FBXW8: variants seen among roughly 807,000 people sequenced by gnomAD.
FBXW8 encodes F-box and WD repeat domain containing 8.
Under a neutral mutation model 65.3 loss-of-function variants are expected in FBXW8, and 57 were observed. That is an observed-to-expected ratio of 0.87 (90% CI 0.71 to 1.09). The LOEUF (loss-of-function observed/expected upper bound fraction) is 1.09, where lower values mean the gene tolerates loss of function less well. Among genes scored for constraint, FBXW8 ranks in the 50% least tolerant of loss-of-function variants. The probability of loss-of-function intolerance (pLI) is 0.00; values close to 1 mark genes in which losing one functional copy is unlikely to be tolerated. For synonymous variants in FBXW8, 308 were observed against 330.2 expected, an observed-to-expected ratio of 0.93 and a Z score of 0.73; for missense variants, 777 against 814.8, an observed-to-expected ratio of 0.95 and a Z score of 0.57.
intron 6 of FBXW8, among the ~76,000 whole-genome samples, chr12:116,987,791 A>G (rs1885831942): frequency 6.6e-6 from 1 of 152,238 alleles, no homozygotes; most frequent in South Asian, 2.1e-4. Context: ...AATTTAAAAG[A>G]CACAATAAAG....
At chr12:116,996,996 T>C (rs1412021545) in intron 7 of FBXW8, among the ~76,000 whole-genome samples, 1 of 152,188 alleles carries the variant, frequency 6.6e-6, no homozygotes, top group Non-Finnish European at 1.5e-5. Flanking sequence ...TCCAGACTGA[T>C]AGAAAATCAT....
intron 8 of FBXW8, 102 bp downstream of exon 8, chr12:117,010,552 T>G: frequency 3.0e-5 from 45 of 1,512,298 alleles, no homozygotes; most frequent in South Asian, 5.8e-5. Flanking sequence ...TCAACAGCTC[T>G]GCCCACCTGA....
intron 8 of FBXW8, among the ~76,000 whole-genome samples, chr12:117,019,386 T>A (rs1001476695): frequency 6.6e-6 from 1 of 152,184 alleles, no homozygotes; most frequent in Non-Finnish European, 1.5e-5. Flanking sequence ...TTTTATGTTC[T>A]CTATACAGAG....
At chr12:117,014,202 T>C (rs1171804846) in intron 8 of FBXW8, among the ~76,000 whole-genome samples, 2 of 152,208 alleles carry the variant, frequency 1.3e-5, no homozygotes, top group African/African-American at 4.8e-5. Context: ...CTGTGTCATC[T>C]CCATTCTGCT....
intron 3 of FBXW8, 75 bp from the exon 4 acceptor site, chr12:116,949,543 G>A: frequency 7.5e-7 from 1 of 1,326,406 alleles, no homozygotes; most frequent in Non-Finnish European, 1.1e-6. Context: ...TGGAAAGTAG[G>A]TGAAAAAGCA....
At position 116,964,812 on chromosome 12, in the gene FBXW8, G is replaced by A; in HGVS notation, c.793G>A (p.Val265Met). 1 of 1,613,026 alleles carries A rather than the reference G, an allele frequency of 6.2e-7. No individual in the cohort carries two copies. ...EPGMQPNVSF[V>M]RINSSLAVAA... The stretch of plus-strand genomic sequence containing the variant: ...TGGAATGCAGCCAAATGTCTCCTTT[G>A]TGAGGATAAACAGCTCGTTGGCAGT... Residue 265 changes from valine (V) to methionine (M), a missense_variant, in exon 5 of 11, where the codon GTG becomes ATG. Physicochemically the swap from Val to Met is conservative, Grantham distance 21. Coordinates refer to ENST00000652555, the MANE Select transcript of FBXW8 (RefSeq NM_153348.3).
chr12:116,985,289 C>G lies in FBXW8; in HGVS notation c.919C>G (p.Leu307Val). 6.2e-7 allele frequency: 1 copy of G among 1,614,194 alleles called. No homozygotes were observed. The highest frequency in any genetic ancestry group is 1.1e-5 in the South Asian group (1 of 91,078). ...CGATGCAAGAATACAGGCACTAGCC[C>G]TCAGCCAGGACGATGCAACCGTGGC... ...EHDARIQALA[L>V]SQDDATVATA... The change falls in exon 6 of 11, where the codon CTC becomes GTC. Residue 307 changes from leucine (L) to valine (V), a missense_variant. Coordinates refer to ENST00000652555, the MANE Select transcript of FBXW8 (RefSeq NM_153348.3).
intron 4 of FBXW8, among the ~76,000 whole-genome samples, chr12:116,962,880 G>T (rs1884069613): frequency 6.6e-6 from 1 of 152,164 alleles, no homozygotes; most frequent in African/African-American, 2.4e-5. Context: ...TATTTTGAGG[G>T]CAGTGAGCTC....
intron 1 of FBXW8, among the ~76,000 whole-genome samples, chr12:116,920,787 A>G (rs903842088): frequency 6.6e-6 from 1 of 152,148 alleles, no homozygotes; most frequent in Non-Finnish European, 1.5e-5. Flanking sequence ...AGGCCCCCCA[A>G]ATTCTATAGC....
chr12:116,952,870 TGGGACTACGGGCGTGTGCCACCACACCCA>T (rs1883378329), intron 4 of FBXW8, among the ~76,000 whole-genome samples: 1 of 152,166 alleles, frequency 6.6e-6, no homozygotes, highest in African/African-American at 2.4e-5. Flanking sequence ...CCCGAGTAGC[TGGGACTACGGGCGTGTGCCACCACACCCA>T]GCTAATTTTT....
intron 2 of FBXW8, among the ~76,000 whole-genome samples, chr12:116,939,384 C>T (rs1348129214): frequency 6.6e-6 from 1 of 152,200 alleles, no homozygotes; most frequent in Non-Finnish European, 1.5e-5. Flanking sequence ...ATGTGCAGCA[C>T]ATGCCACTGC....
chr12:116,993,527 G>A (rs1265819032), intron 7 of FBXW8, among the ~76,000 whole-genome samples: 3 of 152,048 alleles, frequency 2.0e-5, no homozygotes, highest in Non-Finnish European at 4.4e-5. Context: ...TTGGCAATTT[G>A]TATATATTCT....
At chr12:116,981,071 A>G (rs1885274692) in intron 5 of FBXW8, among the ~76,000 whole-genome samples, 1 of 152,206 alleles carries the variant, frequency 6.6e-6, no homozygotes, top group South Asian at 2.1e-4. Context: ...GTATTATTGC[A>G]TTGATTCCTT....
rs1166577887 is a variant in FBXW8 at position 117,020,952 on chromosome 12, G to A, written c.1368-3195G>A. On this transcript the variant is annotated intron_variant, in intron 8 of 10. Transcript: ENST00000652555. ...AACTAAGAGCAGTGACTGGCCTTGC[G>A]TGTATGTGGACTCTTGTGTAGCTAC... 3.9e-5 allele frequency among the ~76,000 whole-genome samples: 6 copies of A among 152,330 alleles called. No homozygotes were observed. The East Asian group carries it at 5.8e-4, about 15-fold the overall frequency.
chr12:117,028,358 G>A lies in FBXW8; in HGVS notation c.*186G>A. ...CCCAGCGCCTGGGGCAAGCTGGCGT[G>A]TGCCAGGGCTCGAGTCCCACGTGCT... On this transcript the variant is annotated 3_prime_UTR_variant, in exon 11 of 11. Transcript: ENST00000652555. This position sits in a 1 kb window ranked among gnomAD's most constrained non-coding sequence, Gnocchi z 4.1. The A allele has an allele frequency of 1.4e-6, 1 of 717,254 alleles. No homozygotes were observed. Among genetic ancestry groups the A allele is most frequent in the Non-Finnish European group, 2.2e-6 (1 of 445,936 alleles). 44.4% of individuals were successfully genotyped at this position (717,254 alleles called of 1,614,324 possible).
chr12:116,930,779 T>C (rs938771513), intron 2 of FBXW8, among the ~76,000 whole-genome samples: 1 of 152,210 alleles, frequency 6.6e-6, no homozygotes, highest in Non-Finnish European at 1.5e-5. Context: ...TCAAGTCTTA[T>C]GTTTAAGATT....
intron 4 of FBXW8, among the ~76,000 whole-genome samples, chr12:116,956,459 G>C (rs923948686): frequency 2.0e-5 from 3 of 152,178 alleles, no homozygotes; most frequent in Admixed American, 6.5e-5. Flanking sequence ...GACATGGCCT[G>C]ATTCAAATAT....
At chr12:117,011,369 T>G (rs1284800415) in intron 8 of FBXW8, among the ~76,000 whole-genome samples, 1 of 152,150 alleles carries the variant, frequency 6.6e-6, no homozygotes, top group Non-Finnish European at 1.5e-5. Context: ...TCAAATAATA[T>G]TTTCACCTCC....
At position 116,972,610 on chromosome 12, in the gene FBXW8, C is replaced by T. The variant is rs182069686; in HGVS notation, c.835+7756C>T. ...GCGAGGCAGTGGCCTGGGAGCTTGGCGGCATACAGGGAGACTGAGGAGGTA... is the reference window on the plus strand; with the variant it reads ...GCGAGGCAGTGGCCTGGGAGCTTGGTGGCATACAGGGAGACTGAGGAGGTA... On this transcript the variant is annotated intron_variant, in intron 5 of 10. Transcript: ENST00000652555. Among the ~76,000 whole-genome samples the T allele has an allele frequency of 1.4e-4, 21 of 152,120 alleles. No individual in the cohort carries two copies. The East Asian group carries it at 3.3e-3, about 24-fold the overall frequency.
Sources: gnomAD v4.1 joint callset for allele counts (sites outside exome capture counted in the v4.1 genomes callset) on GRCh38, gnomAD v4.1.1 for gene constraint, Gnocchi (gnomAD v3.1) non-coding constraint, MANE v1.5 for transcripts, NCBI Gene and HGNC (gene_info 2026-07-23, HGNC 2026-07-21) for gene names.